PDE1C: variants seen among roughly 807,000 people sequenced by gnomAD.
PDE1C encodes phosphodiesterase 1C.
In PDE1C, 62 loss-of-function variants were observed where a neutral mutation model predicts 93.1. That is an observed-to-expected ratio of 0.67 (90% confidence interval 0.54 to 0.82). PDE1C has a LOEUF of 0.82. PDE1C is among the 40% of genes least tolerant of loss of function. The probability of loss-of-function intolerance (pLI) is 0.00; values close to 1 mark genes in which losing one functional copy is unlikely to be tolerated. For missense variants in PDE1C, 742 were observed against 884.6 expected (o/e 0.84, Z 2.04); for synonymous variants, 325 against 310.1 (o/e 1.05, Z -0.50).
intron 1 of PDE1C, among the ~76,000 whole-genome samples, chr7:32,294,422 G>C (rs1037119641): frequency 1.3e-5 from 2 of 152,102 alleles, no homozygotes; most frequent in Non-Finnish European, 2.9e-5. Context: ...TGAGTCTCTG[G>C]TTTCACCCAC....
intron 1 of PDE1C, among the ~76,000 whole-genome samples, chr7:32,367,074 G>A (rs1784242833): frequency 1.3e-5 from 2 of 151,952 alleles, no homozygotes. Flanking sequence ...AGAATATCAT[G>A]CCCAGCAAAG....
chr7:31,669,323 CAAGACACTAGCCAA>C, the PDE1C span, among the ~76,000 whole-genome samples: 1 of 152,058 alleles, frequency 6.6e-6, no homozygotes, highest in Non-Finnish European at 1.5e-5. Context: ...CATCCCAGGA[CAAGACACTAGCCAA>C]AATATTTGAC....
rs571483926 is a variant in PDE1C, at chr7:31,878,894, T to G, written c.425+102A>C. On this transcript the variant is annotated intron_variant, in intron 4 of 17. Transcript: ENST00000396191. ...TGTTTCTACCCACAATTTTCAGTAT[T>G]TATAAAGATAGGAAAACTACATTAA... The G allele has an allele frequency of 4.3e-6, 5 of 1,171,870 alleles. No homozygotes were observed. The African/African-American group carries it at 7.6e-5, about 18-fold the overall frequency. 72.6% of individuals were successfully genotyped at this position (1,171,870 alleles called of 1,614,324 possible). A position where few individuals can be genotyped will look rare whatever the true frequency, so the allele number is the denominator to read the frequency against.
At chr7:32,196,683 C>T (rs997286446) in intron 2 of PDE1C, among the ~76,000 whole-genome samples, 3 of 152,144 alleles carry the variant, frequency 2.0e-5, no homozygotes, top group African/African-American at 7.2e-5. Flanking sequence ...TCAGATTTAT[C>T]TTTTAAAAGA....
chr7:32,282,087 A>C (rs190627174), intron 1 of PDE1C, among the ~76,000 whole-genome samples: 1 of 152,078 alleles, frequency 6.6e-6, no homozygotes, highest in African/African-American at 2.4e-5. Flanking sequence ...CAGCAAACCA[A>C]CACGGCACAT....
chr7:31,856,845 G>A (rs1046902461), intron 7 of PDE1C, among the ~76,000 whole-genome samples: 25 of 152,196 alleles, frequency 1.6e-4, no homozygotes, highest in South Asian at 4.1e-4. Flanking sequence ...CTTAAACAAC[G>A]GAAATTTATT....
At chr7:31,646,926 T>C in the PDE1C span, among the ~76,000 whole-genome samples, 3,439 of 152,320 alleles carry the variant, frequency 0.023, 124 homozygotes, top group African/African-American at 0.078. Context: ...ATACACCTGC[T>C]GAAATGGATG....
chr7:32,181,198 G>A (rs868759849), intron 2 of PDE1C, among the ~76,000 whole-genome samples: 4 of 152,000 alleles, frequency 2.6e-5, no homozygotes, highest in East Asian at 1.9e-4. Flanking sequence ...CAATAATAAC[G>A]GGAGACTTTA....
At chr7:31,834,927 C>T (rs1408644914) in intron 11 of PDE1C, among the ~76,000 whole-genome samples, 2 of 151,998 alleles carry the variant, frequency 1.3e-5, no homozygotes, top group Non-Finnish European at 2.9e-5. Flanking sequence ...CCCATAATTC[C>T]CACATGTTGT....
chr7:31,848,034 G>A lies in PDE1C; in HGVS notation c.914C>T (p.Ala305Val), dbSNP rs367562603. The change falls in exon 9 of 18, where the codon GCT becomes GTT. Residue 305 changes from alanine (A) to valine (V), a missense_variant. Transcript: ENST00000396191. Reference sequence around the variant, plus strand: ...CTCGTCATCTTGCAGAAGGCGATAAGCTGCACTTAAATGGTGATTCTCCAG... The same window carrying A: ...CTCGTCATCTTGCAGAAGGCGATAAACTGCACTTAAATGGTGATTCTCCAG... ...SVLENHHLSA[A>V]YRLLQDDEEM... 2 of 1,612,858 alleles carry A rather than the reference G, an allele frequency of 1.2e-6. No homozygotes were observed. The highest frequency in any genetic ancestry group is 1.7e-6 in the Non-Finnish European group (2 of 1,179,240).
the PDE1C span, among the ~76,000 whole-genome samples, chr7:31,732,634 CTTT>C: frequency 6.9e-5 from 5 of 72,910 alleles, no homozygotes; most frequent in African/African-American, 3.6e-4. Context: ...TCTCTCCTCT[CTTT>C]CTGTGTGTGT....
At position 32,335,151 on chromosome 7, in the gene PDE1C, A is replaced by C. The variant is rs893889019; in HGVS notation, c.310+92671T>G. ...ATATTCAATATTTTAGGCCCTGAAC[A>C]GTATTTTCTCAAACAGACTAAAAAA... On this transcript the variant is annotated intron_variant, in intron 1 of 1. Transcript: ENST00000672256. Among the ~76,000 whole-genome samples, 4 of 152,334 alleles carry C rather than the reference A, an allele frequency of 2.6e-5. No homozygotes were observed. The South Asian group carries it at 6.2e-4, about 24-fold the overall frequency.
chr7:32,341,418 G>A (rs1201895167), intron 1 of PDE1C, among the ~76,000 whole-genome samples: 5 of 150,860 alleles, frequency 3.3e-5, no homozygotes, highest in African/African-American at 7.3e-5. Flanking sequence ...CTCGTGATCC[G>A]CCCACCTCGG....
intron 3 of PDE1C, among the ~76,000 whole-genome samples, chr7:32,083,751 A>G (rs1332029760): frequency 1.3e-5 from 2 of 152,074 alleles, no homozygotes; most frequent in African/African-American, 2.4e-5. Flanking sequence ...CAGCCAAACT[A>G]AGCTTCATAA....
At chr7:32,042,802 CCCA>C (rs1239889664) in intron 2 of PDE1C, among the ~76,000 whole-genome samples, 1 of 152,102 alleles carries the variant, frequency 6.6e-6, no homozygotes, top group African/African-American at 2.4e-5. Context: ...GCAGAGAGTG[CCCA>C]CCATCACTGC....
intron 2 of PDE1C, among the ~76,000 whole-genome samples, chr7:31,969,660 A>G (rs1235628655): frequency 4.6e-5 from 7 of 152,224 alleles, no homozygotes; most frequent in Admixed American, 4.6e-4. Flanking sequence ...CCAAAGGATT[A>G]TAAATCATGC....
At chr7:32,039,888 GC>G (rs1791588881) in intron 2 of PDE1C, among the ~76,000 whole-genome samples, 1 of 152,130 alleles carries the variant, frequency 6.6e-6, no homozygotes, top group East Asian at 1.9e-4. Flanking sequence ...GTGATTTTGT[GC>G]TTTTCAGGAC....
chr7:32,225,596 A>G (rs1489377730), intron 1 of PDE1C, among the ~76,000 whole-genome samples: 1 of 152,160 alleles, frequency 6.6e-6, no homozygotes, highest in African/African-American at 2.4e-5. Context: ...TAAGCTCACA[A>G]CGAGAATTCA....
chr7:32,051,932 T>C (rs532549251), intron 1 of PDE1C, among the ~76,000 whole-genome samples: 3 of 152,304 alleles, frequency 2.0e-5, no homozygotes, highest in African/African-American at 7.2e-5. Flanking sequence ...ACCAGGTTCA[T>C]GAGGTTCTTA....
Sources: gnomAD v4.1 joint callset for allele counts (sites outside exome capture counted in the v4.1 genomes callset) on GRCh38, gnomAD v4.1.1 for gene constraint, MANE v1.5 for transcripts, NCBI Gene and HGNC (gene_info 2026-07-23, HGNC 2026-07-21) for gene names.